PLA2G4B: variants seen among roughly 807,000 people sequenced by gnomAD.
PLA2G4B encodes phospholipase A2 group IVB.
A neutral mutation model predicts 95.8 loss-of-function variants in PLA2G4B; 122 were observed. The ratio of observed to expected loss-of-function variants is 1.27; its 90% confidence interval spans 1.10 to 1.48. The LOEUF is 1.48. Among genes scored for constraint, PLA2G4B ranks in the 40% most tolerant of loss-of-function variants. PLA2G4B has a pLI of 0.00. For synonymous variants in PLA2G4B, 518 were observed against 421.5 expected (o/e 1.23, Z -2.80); for missense variants, 1,158 against 996.2 (o/e 1.16, Z -2.19).
At position 41,846,016 on chromosome 15, in the gene PLA2G4B, G is replaced by GGACC; in HGVS notation, c.1571_1574dup (p.Trp526ProfsTer31). The GGACC allele has an allele frequency of 7.2e-6, 11 of 1,537,360 alleles. No individual in the cohort carries two copies. The highest frequency in any genetic ancestry group is 9.6e-6 in the Non-Finnish European group (11 of 1,142,376). On this transcript the variant is annotated frameshift_variant, in exon 16 of 20. Transcript: ENST00000458483. LOFTEE classifies it high-confidence loss of function. The stretch of plus-strand genomic sequence containing the variant: ...GGGCCTCAGAGCCCAGCCAGTTCTG[G>GGACC]GACCGCTGGGTCAGGAACCAGGCCA...
rs942316818 is a variant in PLA2G4B, at chr15:41,847,458, C to T, written c.2069C>T (p.Pro690Leu). ...ECHTFSDPTC[P>L]GAPAVLHFPL... ...CACACCTTCTCCGACCCCACCTGCC[C>T]CGGAGCCCCTGCGGTGCTGCACTTT... The change falls in exon 19 of 20, where the codon CCC becomes CTC. Residue 690 changes from proline (P) to leucine (L), a missense_variant. Coordinates refer to ENST00000458483, the MANE Select transcript of PLA2G4B (RefSeq NM_001114633.2). 6 of 1,613,320 alleles carry T rather than the reference C, an allele frequency of 3.7e-6. No individual in the cohort carries two copies. Among genetic ancestry groups the T allele is most frequent in the Non-Finnish European group, 5.1e-6 (6 of 1,179,682 alleles).
intron 18 of PLA2G4B, 101 bp downstream of exon 18, chr15:41,846,936 A>G (rs1223448495): frequency 5.7e-6 from 8 of 1,410,972 alleles, no homozygotes; most frequent in Non-Finnish European, 6.6e-6. Context: ...TTCCTTTAGG[A>G]GCTGTGATTG....
chr15:41,841,437 C>T (rs79940523), intron 6 of PLA2G4B, 80 bp from the exon 7 acceptor site: 3 of 1,610,512 alleles, frequency 1.9e-6, no homozygotes, highest in Non-Finnish European at 1.7e-6. Context: ...TGCAGACCAG[C>T]AGCAGCCAGG....
Position 41,840,611 on chromosome 15 carries a change from G to T in PLA2G4B, c.170G>T (p.Ser57Ile), listed in dbSNP as rs1374561944. 18 of 1,613,878 alleles carry T rather than the reference G, an allele frequency of 1.1e-5. No homozygotes were observed. The Admixed American group carries it at 2.8e-4, about 25-fold the overall frequency. Residue 57 changes from serine to isoleucine, a missense_variant, in exon 3 of 20, where the codon AGC becomes ATC. Coordinates refer to ENST00000458483, the MANE Select transcript of PLA2G4B (RefSeq NM_001114633.2). ...LQTRTVKNSS[S>I]PVWNQSFHFR... is the part of the protein sequence containing the mutation. ...ACACGCACGGTCAAGAACAGCAGTA[G>T]CCCTGTCTGGAACCAGAGCTTTCAC...
rs150600168 is a variant in PLA2G4B, at chr15:41,847,819, C to T, written c.2305C>T (p.Arg769Cys). Residue 769 changes from arginine (R) to cysteine (C), a missense_variant, in exon 20 of 20, where the codon CGC becomes TGC. Coordinates refer to ENST00000458483, the MANE Select transcript of PLA2G4B (RefSeq NM_001114633.2). ...NNQEQLLEAL[R>C]QAVQRRRQRR... is the part of the protein sequence containing the mutation. ...CCAGGAGCAGCTGCTGGAGGCTCTG[C>T]GCCAGGCAGTGCAGCGGAGGCGGCA... 2,215 of 1,608,154 alleles carry T rather than the reference C, an allele frequency of 1.4e-3. 12 individuals are homozygous for T. The highest frequency in any genetic ancestry group is 9.0e-4 in the Non-Finnish European group (1,064 of 1,179,976).
At chr15:41,844,242 G>A (rs1331663259) in intron 11 of PLA2G4B, among the ~76,000 whole-genome samples, 4 of 152,338 alleles carry the variant, frequency 2.6e-5, no homozygotes, top group Admixed American at 1.3e-4. Flanking sequence ...AAGGAGATGA[G>A]GCTCAGAACT....
In PLA2G4B at chr15:41,844,996, C is replaced by T. The variant is rs764236737; in HGVS notation, c.1165C>T (p.Arg389Cys). The T allele has an allele frequency of 6.2e-6, 10 of 1,607,370 alleles. No individual in the cohort carries two copies. Among genetic ancestry groups the T allele is most frequent in the South Asian group, 3.3e-5 (3 of 90,040 alleles). ...GCGGTACCGGCAGGAGCTGGCCGAGCGTGCCCGCTTGGGCTACCCAAGCTG... is the reference window on the plus strand; with the variant it reads ...GCGGTACCGGCAGGAGCTGGCCGAGTGTGCCCGCTTGGGCTACCCAAGCTG... ...LQRYRQELAE[R>C]ARLGYPSCFT... is the part of the protein sequence containing the mutation. Residue 389 changes from arginine to cysteine, a missense_variant, in exon 13 of 20, where the codon CGT becomes TGT. Transcript: ENST00000458483.
intron 1 of PLA2G4B, 33 bp from the exon 2 acceptor site, chr15:41,840,125 C>G: frequency 6.2e-7 from 1 of 1,608,746 alleles, no homozygotes; most frequent in Non-Finnish European, 8.5e-7. Flanking sequence ...CTTCATCGGC[C>G]CGTAGCAGGT....
chr15:41,847,055 G>T (rs541451506), intron 18 of PLA2G4B, among the ~76,000 whole-genome samples: 25 of 152,104 alleles, frequency 1.6e-4, no homozygotes, highest in Non-Finnish European at 1.8e-4. Context: ...TTACTGACCT[G>T]CGAGGTGTGG....
chr15:41,842,525 T>C (rs1457423265), intron 9 of PLA2G4B, 29 bp from the exon 10 acceptor site: 1 of 1,611,674 alleles, frequency 6.2e-7, no homozygotes, highest in Admixed American at 1.7e-5. Flanking sequence ...TGGCCGACCT[T>C]TTGTGACTGG....
At position 41,847,399 on chromosome 15, in the gene PLA2G4B, C is replaced by A; in HGVS notation, c.2010C>A (p.Pro670=). ...EQGIPFPPIS[P]SPEEQLQPRE... ...GGATCCCGTTCCCACCCATCTCGCC[C>A]AGCCCCGAAGAGCAGCTCCAGCCTC... The change falls in exon 19 of 20, where the codon CCC becomes CCA. Residue 670 remains proline, a synonymous_variant. Transcript: ENST00000458483. 1 of 1,612,866 alleles carries A rather than the reference C, an allele frequency of 6.2e-7. No individual in the cohort carries two copies. The highest frequency in any genetic ancestry group is 8.5e-7 in the Non-Finnish European group (1 of 1,179,818).
chr15:41,841,353 C>A, intron 6 of PLA2G4B, 80 bp downstream of exon 6: 1 of 1,610,730 alleles, frequency 6.2e-7, no homozygotes, highest in Non-Finnish European at 8.5e-7. Context: ...ACAGGCCCAC[C>A]GCTGCCTCAG....
Position 41,843,808 on chromosome 15 carries a change from TGAG to T in PLA2G4B, c.878_879+1del. ...AGCTGGACGGAGACCTGCAGGAGGA[TGAG>T]GTTTGGGGGCTGGGCTGGATGGGGT... On this transcript the variant is annotated inframe_deletion and splice_region_variant, in exon 11 of 20. Coordinates refer to ENST00000458483, the MANE Select transcript of PLA2G4B (RefSeq NM_001114633.2). The T allele has an allele frequency of 6.2e-7, 1 of 1,613,206 alleles. No individual in the cohort carries two copies.
chr15:41,839,985 C>A, intron 1 of PLA2G4B, 173 bp from the exon 2 acceptor site: 2 of 717,842 alleles, frequency 2.8e-6, no homozygotes, highest in Non-Finnish European at 4.5e-6. Flanking sequence ...TGCTGGCAGG[C>A]GTCATGATGG....
In PLA2G4B at chr15:41,844,882, T is replaced by C. The variant is rs763407258; in HGVS notation, c.1051T>C (p.Ser351Pro). ...LANLYEDPEW[S>P]QKDLAGPTEL... ...CAACCTTTATGAGGACCCAGAGTGGTCTCAGAAGGACCTGGCAGGGCCCAC... is the reference window on the plus strand; with the variant it reads ...CAACCTTTATGAGGACCCAGAGTGGCCTCAGAAGGACCTGGCAGGGCCCAC... The change falls in exon 13 of 20, where the codon TCT (serine) becomes CCT (proline). Residue 351 changes from serine to proline, a missense_variant. Transcript: ENST00000458483. 7 of 1,610,574 alleles carry C rather than the reference T, an allele frequency of 4.3e-6. No individual in the cohort carries two copies. The highest frequency in any genetic ancestry group is 5.9e-6 in the Non-Finnish European group (7 of 1,178,756).
rs371904780 is a variant in PLA2G4B at position 41,844,516 on chromosome 15, A to T, written c.925A>T (p.Met309Leu). 6.2e-7 allele frequency: 1 copy of T among 1,613,990 alleles called. No homozygotes were observed. Among genetic ancestry groups the T allele is most frequent in the Non-Finnish European group, 8.5e-7 (1 of 1,180,008 alleles). ...GGCCACTGGTGGTGGGATCCGGGCA[A>T]TGACTTCCCTGTATGGGCAGCTGGC... ...IMATGGGIRA[M>L]TSLYGQLAGL... The change falls in exon 12 of 20, where the codon ATG (methionine) becomes TTG (leucine). Residue 309 changes from methionine to leucine, a missense_variant. Transcript: ENST00000458483.
intron 5 of PLA2G4B, 21 bp downstream of exon 5, chr15:41,841,116 A>G: frequency 6.2e-7 from 1 of 1,605,806 alleles, no homozygotes; most frequent in Non-Finnish European, 8.5e-7. Context: ...GGCCTGGGGC[A>G]GTTTGGGTGG....
intron 8 of PLA2G4B, 31 bp downstream of exon 8, chr15:41,841,980 C>T: frequency 1.3e-6 from 2 of 1,597,886 alleles, no homozygotes; most frequent in Non-Finnish European, 1.7e-6. Context: ...GAGGTGGGGC[C>T]CCCAGAACTT....
chr15:41,841,443 C>G (rs2065430348), intron 6 of PLA2G4B, 74 bp from the exon 7 acceptor site: 1 of 1,611,672 alleles, frequency 6.2e-7, no homozygotes. Context: ...CCAGCAGCAG[C>G]CAGGGTGCTG....
Sources: allele counts gnomAD v4.1 joint callset (sites outside exome capture counted in the v4.1 genomes callset), GRCh38; gene constraint gnomAD v4.1.1; transcripts MANE v1.5; gene names NCBI Gene and HGNC (gene_info 2026-07-23, HGNC 2026-07-21).